The following RELCH variants were observed in gnomAD, a reference collection of about 807,000 sequenced individuals.
RELCH encodes RAB11-binding protein RELCH.
A neutral mutation model predicts 150.3 loss-of-function variants in RELCH; 41 were observed. The ratio of observed to expected loss-of-function variants is 0.27; its 90% CI spans 0.21 to 0.35. RELCH has a LOEUF of 0.35. RELCH is among the 10% of genes least tolerant of loss of function. RELCH has a pLI of 1.00. For synonymous variants in RELCH, 478 were observed against 531.8 expected, an observed-to-expected ratio of 0.90 and a Z score of 1.39; for missense variants, 1,092 against 1,467.8, an observed-to-expected ratio of 0.74 and a Z score of 4.18.
At chr18:62,213,544 A>C (rs1251683318) in intron 2 of RELCH, among the ~76,000 whole-genome samples, 1 of 152,066 alleles carries the variant, frequency 6.6e-6, no homozygotes, top group East Asian at 1.9e-4. Flanking sequence ...AGCCTGACCA[A>C]TATGGTGAAA....
chr18:62,261,000 A>G (rs986266752), intron 15 of RELCH, among the ~76,000 whole-genome samples: 1 of 152,024 alleles, frequency 6.6e-6, no homozygotes, highest in African/African-American at 2.4e-5. Context: ...ATAGTTAACA[A>G]TAATGTGTTA....
intron 1 of RELCH, among the ~76,000 whole-genome samples, chr18:62,198,795 C>CA (rs1242770075): frequency 2.6e-5 from 4 of 151,704 alleles, no homozygotes; most frequent in South Asian, 4.1e-4. Flanking sequence ...TTTTTAGTAG[C>CA]AAAAAAATAT....
In RELCH at chr18:62,230,871, A is replaced by G. The variant is rs558770275; in HGVS notation, c.1449-323A>G. Among the ~76,000 whole-genome samples, 6 of 152,156 alleles carry G rather than the reference A, an allele frequency of 3.9e-5. No homozygotes were observed. In the East Asian group the frequency reaches 1.2e-3, roughly 30 times the overall value. ...AGAATTGGGGTTGGAGAAAGTCCTC[A>G]TTTCAGATTTTCAAATCATTTCTAT... On this transcript the variant is annotated intron_variant, in intron 8 of 28. Transcript: ENST00000644646.
chr18:62,231,214 A>C lies in RELCH; in HGVS notation c.1469A>C (p.His490Pro). ...KPNRKLSPAFHQALLSFCRMS... is the reference protein window; with the variant it reads ...KPNRKLSPAFPQALLSFCRMS... Reference sequence around the variant, plus strand: ...TCTAGGAAATTGTCTCCTGCATTCCATCAAGCACTACTCTCTTTTTGTCGA... The same window carrying C: ...TCTAGGAAATTGTCTCCTGCATTCCCTCAAGCACTACTCTCTTTTTGTCGA... The change falls in exon 9 of 29, where the codon CAT becomes CCT. Residue 490 changes from histidine to proline, a missense_variant. Physicochemically the swap from His to Pro is moderately conservative, Grantham distance 77. Transcript: ENST00000644646. 1 of 1,605,144 alleles carries C rather than the reference A, an allele frequency of 6.2e-7. No homozygotes were observed. The highest frequency in any genetic ancestry group is 1.1e-5 in the South Asian group (1 of 90,712).
At chr18:62,296,007 G>A (rs2045390362) in intron 27 of RELCH, among the ~76,000 whole-genome samples, 1 of 152,084 alleles carries the variant, frequency 6.6e-6, no homozygotes, top group Admixed American at 6.6e-5. Flanking sequence ...TGTTTAATTG[G>A]GGGGCAGGGG....
intron 16 of RELCH, among the ~76,000 whole-genome samples, chr18:62,262,235 G>A (rs886493631): frequency 6.6e-6 from 1 of 151,958 alleles, no homozygotes; most frequent in African/African-American, 2.4e-5. Context: ...CTTACTCTCC[G>A]AGTAGCTAGT....
rs2043737697 is a variant in RELCH, at chr18:62,268,917, A to T, written c.2729A>T (p.Tyr910Phe). 1.3e-6 allele frequency: 2 copies of T among 1,552,228 alleles called. No homozygotes were observed. Among genetic ancestry groups the T allele is most frequent in the Non-Finnish European group, 8.7e-7 (1 of 1,145,494 alleles). ...GVLTKATVPI[Y>F]ATGVLTCYIQ... The stretch of plus-strand genomic sequence containing the variant: ...CTCACTAAAGCTACAGTCCCCATTT[A>T]TGCAACAGGAGTCCTTACGTGTTAT... The change falls in exon 20 of 29, where the codon TAT (tyrosine) becomes TTT (phenylalanine). Residue 910 changes from tyrosine (Y) to phenylalanine (F), a missense_variant. Around this residue, in one of 4 missense-constraint regions of RELCH, gnomAD observed 707 missense variants for 1,025.4 expected, o/e 0.69. Coordinates refer to ENST00000644646, the MANE Select transcript of RELCH (RefSeq NM_001346231.2).
intron 1 of RELCH, among the ~76,000 whole-genome samples, chr18:62,200,214 A>G (rs536065451): frequency 6.6e-5 from 10 of 152,190 alleles, no homozygotes; most frequent in Non-Finnish European, 1.3e-4. Flanking sequence ...TTGCTCACAG[A>G]TTAATTTTTT....
intron 1 of RELCH, among the ~76,000 whole-genome samples, chr18:62,193,692 C>G (rs1363604264): frequency 6.6e-6 from 1 of 152,142 alleles, no homozygotes; most frequent in Non-Finnish European, 1.5e-5. Context: ...TTGAACCAAT[C>G]TTGCAACTCA....
intron 2 of RELCH, among the ~76,000 whole-genome samples, chr18:62,212,380 A>G (rs2040224870): frequency 6.6e-6 from 1 of 152,186 alleles, no homozygotes; most frequent in Admixed American, 6.5e-5. Flanking sequence ...AGCTCCATCA[A>G]AATGGTAGGT....
intron 1 of RELCH, among the ~76,000 whole-genome samples, chr18:62,190,358 C>G (rs1353457330): frequency 6.6e-6 from 1 of 152,166 alleles, no homozygotes. Flanking sequence ...GCAGCCAGAT[C>G]ACGAGGTCAG....
At chr18:62,237,497 T>C (rs983142575) in intron 10 of RELCH, among the ~76,000 whole-genome samples, 6 of 151,816 alleles carry the variant, frequency 4.0e-5, no homozygotes, top group African/African-American at 1.4e-4. Context: ...GATACTGTAT[T>C]CTATGCACTA....
At chr18:62,190,625 T>G (rs2038562393) in intron 1 of RELCH, among the ~76,000 whole-genome samples, 1 of 152,018 alleles carries the variant, frequency 6.6e-6, no homozygotes, top group Non-Finnish European at 1.5e-5. Context: ...ACAGAACATT[T>G]TTATTATCCC....
intron 20 of RELCH, among the ~76,000 whole-genome samples, chr18:62,269,666 G>A (rs1006986040): frequency 6.6e-6 from 1 of 152,124 alleles, no homozygotes; most frequent in Non-Finnish European, 1.5e-5. Flanking sequence ...GCATTTATAT[G>A]CTACCAATAA....
At chr18:62,277,939 G>A (rs4940550) in intron 22 of RELCH, 67,787 of 706,280 alleles carry the variant, frequency 0.096, 3,656 homozygotes, top group South Asian at 0.19. Context: ...TAAGTCAGAT[G>A]GGACAGAGTT....
chr18:62,243,112 T>C (rs2042231725), intron 10 of RELCH, among the ~76,000 whole-genome samples: 1 of 152,092 alleles, frequency 6.6e-6, no homozygotes, highest in South Asian at 2.1e-4. Flanking sequence ...TCCTTAAGGT[T>C]CTACTCTCAA....
intron 1 of RELCH, among the ~76,000 whole-genome samples, chr18:62,203,168 A>C (rs957774573): frequency 2.6e-5 from 4 of 152,192 alleles, no homozygotes; most frequent in African/African-American, 7.2e-5. Context: ...ATATTTTTGA[A>C]AGAATGTAGC....
chr18:62,245,804 A>G (rs1178701083), intron 11 of RELCH: 3 of 152,120 alleles, frequency 2.0e-5, no homozygotes, highest in African/African-American at 7.2e-5. Flanking sequence ...CCATTAATAC[A>G]CTTTTCTGCT....
In RELCH at chr18:62,307,685, C is replaced by A. The variant is rs1406414091; in HGVS notation, c.*2151C>A. ...AGGGCATAAAACTCCCATACTCATT[C>A]CTTTTAAACAGAAGTAAACTTACGG... On this transcript the variant is annotated 3_prime_UTR_variant, in exon 29 of 29. Transcript: ENST00000644646. 1 of 150,816 alleles carries A rather than the reference C, an allele frequency of 6.6e-6. No individual in the cohort carries two copies. Among genetic ancestry groups the A allele is most frequent in the Non-Finnish European group, 1.5e-5 (1 of 67,992 alleles). The allele number at this position is 150,816 out of a possible 1,614,324, so 9.3% of individuals were successfully genotyped here. A position where few individuals can be genotyped will look rare whatever the true frequency, so the allele number is the denominator to read the frequency against.
Sources: allele counts gnomAD v4.1 joint callset (sites outside exome capture counted in the v4.1 genomes callset), GRCh38; gene constraint gnomAD v4.1.1; regional missense constraint gnomAD v4.1.1; transcripts MANE v1.5; gene names NCBI Gene and HGNC (gene_info 2026-07-23, HGNC 2026-07-21).